Variants in PIBF1 observed in about 807,000 individuals in gnomAD.
The protein encoded by PIBF1 is progesterone-induced-blocking factor 1.
In PIBF1, 90 loss-of-function variants were observed where a neutral mutation model predicts 112.5. The ratio of observed to expected loss-of-function variants is 0.80; its 90% CI spans 0.67 to 0.95. The LOEUF is 0.95. PIBF1 is among the 40% of genes least tolerant of loss of function. The pLI, the probability that PIBF1 is intolerant of heterozygous loss-of-function variation, is 0.00. For synonymous variants in PIBF1, 301 were observed against 288.6 expected (o/e 1.04, Z -0.44); for missense variants, 915 against 852.3 (o/e 1.07, Z -0.92).
At chr13:72,997,465 CACT>C (rs1192720316) in intron 16 of PIBF1, among the ~76,000 whole-genome samples, 1 of 152,316 alleles carries the variant, frequency 6.6e-6, no homozygotes, top group Middle Eastern at 3.4e-3. Flanking sequence ...AAGCCAGGCC[CACT>C]ACTGCAGAAA....
At chr13:72,876,741 A>G (rs1005079385) in intron 10 of PIBF1, among the ~76,000 whole-genome samples, 1 of 152,154 alleles carries the variant, frequency 6.6e-6, no homozygotes, top group African/African-American at 2.4e-5. Context: ...GCAGATATAC[A>G]GGAAAGTGAT....
At chr13:73,011,608 A>AG (rs779159732) in intron 17 of PIBF1, among the ~76,000 whole-genome samples, 6 of 152,118 alleles carry the variant, frequency 3.9e-5, no homozygotes, top group Non-Finnish European at 7.4e-5. Context: ...CCACCTAAGA[A>AG]GGGAAAAAAA....
intron 7 of PIBF1, 31 bp from the exon 8 acceptor site, chr13:72,827,702 G>A: frequency 7.7e-7 from 1 of 1,292,396 alleles, no homozygotes; most frequent in Non-Finnish European, 1.0e-6. Flanking sequence ...TGGCATCACT[G>A]TGGATACTTT....
At chr13:72,790,421 T>TCACACACACACA (rs57599910) in intron 2 of PIBF1, among the ~76,000 whole-genome samples, 1,476 of 135,580 alleles carry the variant, frequency 0.011, 25 homozygotes, top group East Asian at 0.028. Flanking sequence ...GAGGAGTCCA[T>TCACACACACACA]CACACACACA....
chr13:72,897,902 A>C (rs1043461862), intron 11 of PIBF1, among the ~76,000 whole-genome samples: 1 of 152,216 alleles, frequency 6.6e-6, no homozygotes, highest in Non-Finnish European at 1.5e-5. Flanking sequence ...TTTAAGACAG[A>C]AAGTCAACAA....
At chr13:72,909,105 G>A (rs1017096488) in intron 12 of PIBF1, among the ~76,000 whole-genome samples, 1 of 151,966 alleles carries the variant, frequency 6.6e-6, no homozygotes, top group Admixed American at 6.6e-5. Context: ...AATATAATTG[G>A]TGACTATTTC....
intron 3 of PIBF1, among the ~76,000 whole-genome samples, chr13:72,793,471 G>C (rs2035036185): frequency 6.6e-6 from 1 of 152,164 alleles, no homozygotes; most frequent in South Asian, 2.1e-4. Flanking sequence ...TCTGACTTGT[G>C]GGGGTGGGGT....
chr13:72,922,496 A>G (rs955957000), intron 13 of PIBF1, among the ~76,000 whole-genome samples: 1 of 152,218 alleles, frequency 6.6e-6, no homozygotes. Flanking sequence ...GGTGACACCC[A>G]GGCACTAACA....
chr13:72,909,184 G>A (rs77401825), intron 12 of PIBF1, among the ~76,000 whole-genome samples: 18,127 of 152,076 alleles, frequency 0.12, 1,446 homozygotes, highest in Non-Finnish European at 0.17. Flanking sequence ...AAAAGAAACA[G>A]GTTAAATATG....
At chr13:72,868,710 G>T (rs548143973) in intron 10 of PIBF1, among the ~76,000 whole-genome samples, 1 of 151,750 alleles carries the variant, frequency 6.6e-6, no homozygotes, top group Non-Finnish European at 1.5e-5. Context: ...ATGGCTGGGT[G>T]CAGTGATTCA....
intron 2 of PIBF1, among the ~76,000 whole-genome samples, chr13:72,789,302 A>G (rs1467042043): frequency 6.6e-6 from 1 of 151,938 alleles, no homozygotes; most frequent in East Asian, 1.9e-4. Context: ...CTCTCATCTC[A>G]GCCTCTTGAG....
intron 2 of PIBF1, among the ~76,000 whole-genome samples, chr13:72,790,620 A>G: frequency 6.6e-6 from 1 of 152,130 alleles, no homozygotes; most frequent in Admixed American, 6.5e-5. Context: ...TTTCCTAGGG[A>G]GAACAGAGGG....
intron 11 of PIBF1, among the ~76,000 whole-genome samples, chr13:72,897,668 TACATC>T (rs1197870498): frequency 2.0e-5 from 3 of 152,164 alleles, no homozygotes; most frequent in Non-Finnish European, 2.9e-5. Context: ...TAGCTATTCT[TACATC>T]AGACAAAAAA....
intron 14 of PIBF1, among the ~76,000 whole-genome samples, chr13:72,955,560 C>T (rs926975487): frequency 2.4e-4 from 36 of 151,918 alleles, no homozygotes; most frequent in African/African-American, 8.0e-4. Flanking sequence ...TAATTTTTTT[C>T]GTTTCAGAGC....
intron 9 of PIBF1, among the ~76,000 whole-genome samples, chr13:72,837,448 A>G (rs2037411091): frequency 6.6e-6 from 1 of 152,004 alleles, no homozygotes; most frequent in African/African-American, 2.4e-5. Flanking sequence ...AAATAGCATT[A>G]TTTTTTATTT....
chr13:72,862,484 A>C (rs953149174), intron 10 of PIBF1, among the ~76,000 whole-genome samples: 1 of 152,194 alleles, frequency 6.6e-6, no homozygotes, highest in Non-Finnish European at 1.5e-5. Flanking sequence ...GTTTTCTTCC[A>C]TAATAATACT....
intron 10 of PIBF1, among the ~76,000 whole-genome samples, chr13:72,881,888 C>G (rs2039653853): frequency 6.6e-6 from 1 of 151,912 alleles, no homozygotes; most frequent in Admixed American, 6.6e-5. Context: ...AGATTCAATG[C>G]AATCCCTCTT....
At chr13:72,894,774 T>TATA (rs2040208538) in intron 11 of PIBF1, among the ~76,000 whole-genome samples, 1 of 55,144 alleles carries the variant, frequency 1.8e-5, no homozygotes, top group African/African-American at 6.9e-5. Context: ...ATATATATAG[T>TATA]GTGTGTGTGT....
chr13:72,802,157 G>A (rs1263664390), intron 5 of PIBF1, among the ~76,000 whole-genome samples: 1 of 152,022 alleles, frequency 6.6e-6, no homozygotes, highest in African/African-American at 2.4e-5. Context: ...AGTTACACAT[G>A]GATTTTTTTT....
Sources: gnomAD v4.1 joint callset for allele counts (sites outside exome capture counted in the v4.1 genomes callset) on GRCh38, gnomAD v4.1.1 for gene constraint, MANE v1.5 for transcripts, NCBI Gene and HGNC (gene_info 2026-07-23, HGNC 2026-07-21) for gene names.